CTNNA2: variants seen among roughly 807,000 people sequenced by gnomAD.
The protein encoded by CTNNA2 is catenin alpha 2.
CTNNA2 carries 42 observed loss-of-function variants against 101.0 expected under a neutral mutation model. The observed-to-expected ratio is 0.42, with a 90% confidence interval of 0.32 to 0.54. CTNNA2 has a LOEUF of 0.54. Ranked by LOEUF, CTNNA2 falls within the 20% of genes least tolerant of loss-of-function variation. The pLI is 0.14. For missense variants in CTNNA2, 871 were observed against 1,223.1 expected (o/e 0.71, Z 4.29); for synonymous variants, 450 against 456.4 (o/e 0.99, Z 0.18).
chr2:80,572,466 C>G (rs1004781727), intron 12 of CTNNA2, among the ~76,000 whole-genome samples: 9 of 152,142 alleles, frequency 5.9e-5, no homozygotes, highest in African/African-American at 1.7e-4. Flanking sequence ...TTACATAGAA[C>G]TATAACATCA....
intron 18 of CTNNA2, among the ~76,000 whole-genome samples, chr2:80,622,755 G>T (rs572158727): frequency 6.6e-6 from 1 of 151,790 alleles, no homozygotes; most frequent in African/African-American, 2.4e-5. Context: ...CTTGCCATTC[G>T]AGTCTCTTCC....
chr2:80,333,214 C>G (rs923605049), intron 7 of CTNNA2, among the ~76,000 whole-genome samples: 1 of 152,072 alleles, frequency 6.6e-6, no homozygotes, highest in African/African-American at 2.4e-5. Flanking sequence ...AGGCTGTCAC[C>G]TTTCCACCGG....
At chr2:79,847,548 A>G (rs1680330707) in intron 3 of CTNNA2, among the ~76,000 whole-genome samples, 1 of 140,002 alleles carries the variant, frequency 7.1e-6, no homozygotes, top group African/African-American at 3.1e-5. Context: ...GTCTCAAAAA[A>G]AAAAAAAAAA....
At chr2:79,882,855 G>T (rs545780522) in intron 6 of CTNNA2, among the ~76,000 whole-genome samples, 3 of 152,190 alleles carry the variant, frequency 2.0e-5, no homozygotes, top group Admixed American at 2.0e-4. Flanking sequence ...GGCGTCTTCC[G>T]ATCCGTGGGT....
intron 2 of CTNNA2, among the ~76,000 whole-genome samples, chr2:79,290,213 T>C: frequency 6.6e-6 from 1 of 152,138 alleles, no homozygotes; most frequent in East Asian, 1.9e-4. Flanking sequence ...ATTGGACTGG[T>C]CAACTAGTAC....
chr2:80,619,010 C>T, intron 17 of CTNNA2, 75 bp from the exon 18 acceptor site: 1 of 1,064,926 alleles, frequency 9.4e-7, no homozygotes, highest in Non-Finnish European at 1.3e-6. Flanking sequence ...TAATCCCTTC[C>T]CAAGTAGGGT....
intron 3 of CTNNA2, among the ~76,000 whole-genome samples, chr2:79,772,927 G>A (rs1673698041): frequency 6.6e-6 from 1 of 152,134 alleles, no homozygotes; most frequent in African/African-American, 2.4e-5. Context: ...CTTTAATGTA[G>A]CATTTTCAGT....
chr2:80,514,813 C>A (rs1573095558), intron 9 of CTNNA2, among the ~76,000 whole-genome samples: 1 of 152,052 alleles, frequency 6.6e-6, no homozygotes, highest in African/African-American at 2.4e-5. Flanking sequence ...GGGGGTGGGA[C>A]AAGCTGTAGG....
chr2:79,791,436 A>G (rs1055291723), intron 3 of CTNNA2, among the ~76,000 whole-genome samples: 26 of 152,310 alleles, frequency 1.7e-4, no homozygotes, highest in African/African-American at 5.8e-4. Flanking sequence ...ACATGTAAAC[A>G]ATAATAATGG....
intron 7 of CTNNA2, among the ~76,000 whole-genome samples, chr2:80,182,276 T>G (rs577492793): frequency 1.3e-5 from 2 of 152,306 alleles, no homozygotes; most frequent in Non-Finnish European, 2.9e-5. Flanking sequence ...GTCCAATGTT[T>G]GAGGGCAGGA....
chr2:80,040,812 A>G (rs1185646557), intron 7 of CTNNA2, among the ~76,000 whole-genome samples: 3 of 152,188 alleles, frequency 2.0e-5, no homozygotes, highest in African/African-American at 7.2e-5. Flanking sequence ...TAACGTGTAT[A>G]CTTTTGACCT....
chr2:79,207,828 G>T (rs1674120573), intron 2 of CTNNA2, among the ~76,000 whole-genome samples: 1 of 152,146 alleles, frequency 6.6e-6, no homozygotes, highest in African/African-American at 2.4e-5. Context: ...GAAAACATTA[G>T]GACCATGGTG....
chr2:79,263,057 T>C (rs1047466567), intron 2 of CTNNA2, among the ~76,000 whole-genome samples: 3 of 152,158 alleles, frequency 2.0e-5, no homozygotes, highest in African/African-American at 7.2e-5. Context: ...GAGTAGTCTA[T>C]AAGATACAAG....
Position 79,726,607 on chromosome 2 carries a change from G to C in CTNNA2, c.103-17780G>C, listed in dbSNP as rs771834596. ...CCTCCCTCCGACACATTCCCCCGGT[G>C]GAAAAATTGTTGCCCATGAAACTGG... On this transcript the variant is annotated intron_variant, in intron 2 of 18. Transcript: ENST00000402739. Among the ~76,000 whole-genome samples the C allele has an allele frequency of 3.9e-5, 6 of 152,154 alleles. 1 individual carries two copies. The highest frequency in any genetic ancestry group is 8.8e-5 in the Non-Finnish European group (6 of 68,040).
chr2:80,531,665 G>C (rs765386198), intron 9 of CTNNA2, among the ~76,000 whole-genome samples: 4 of 151,952 alleles, frequency 2.6e-5, no homozygotes, highest in Non-Finnish European at 4.4e-5. Context: ...TTTTTTATTT[G>C]TTTGTTTGTT....
intron 7 of CTNNA2, among the ~76,000 whole-genome samples, chr2:80,272,350 G>A (rs566965201): frequency 2.6e-5 from 4 of 152,166 alleles, no homozygotes; most frequent in African/African-American, 7.2e-5. Flanking sequence ...TAGCCAAACC[G>A]ACTATACCAA....
intron 4 of CTNNA2, among the ~76,000 whole-genome samples, chr2:79,858,572 C>T (rs1373045736): frequency 6.6e-6 from 1 of 152,096 alleles, no homozygotes; most frequent in Non-Finnish European, 1.5e-5. Context: ...AGCAGCTGAC[C>T]ACCTGTGCCC....
intron 1 of CTNNA2, among the ~76,000 whole-genome samples, chr2:79,626,832 G>C (rs190802700): frequency 9.1e-4 from 138 of 152,096 alleles, no homozygotes; most frequent in African/African-American, 3.2e-3. Flanking sequence ...GGGTTATCTT[G>C]GAGGGGTCTG....
intron 7 of CTNNA2, among the ~76,000 whole-genome samples, chr2:80,050,801 A>G (rs1213626269): frequency 2.0e-5 from 3 of 152,188 alleles, no homozygotes; most frequent in South Asian, 2.1e-4. Context: ...CCAGGGATCA[A>G]GCAATCCTCC....
Sources: allele counts gnomAD v4.1 joint callset (sites outside exome capture counted in the v4.1 genomes callset), GRCh38; gene constraint gnomAD v4.1.1; transcripts MANE v1.5; gene names NCBI Gene and HGNC (gene_info 2026-07-23, HGNC 2026-07-21).